COL3A1: variants seen among roughly 807,000 people sequenced by gnomAD.
COL3A1 encodes collagen alpha-1(III) chain.
COL3A1 carries 46 observed loss-of-function variants against 200.9 expected under a neutral mutation model. The observed-to-expected ratio is 0.23, with a 90% CI of 0.18 to 0.29. The LOEUF is 0.29. COL3A1 is among the 10% of genes least tolerant of loss of function. The pLI, the probability that COL3A1 is intolerant of heterozygous loss-of-function variation, is 1.00. For missense variants in COL3A1, 1,367 were observed against 1,917.6 expected (o/e 0.71, Z 5.36); for synonymous variants, 650 against 628.0 (o/e 1.03, Z -0.52).
At chr2:188,996,219 AAATGG>A in intron 23 of COL3A1, 41 bp downstream of exon 23, 2 of 1,562,004 alleles carry the variant, frequency 1.3e-6, no homozygotes, top group Non-Finnish European at 1.8e-6. Context: ...AGGCCAGTTA[AAATGG>A]AATGTATATG....
chr2:188,988,072 AC>A lies in COL3A1; in HGVS notation c.529-8del. 6.2e-7 allele frequency: 1 copy of A among 1,607,402 alleles called. No individual in the cohort carries two copies. Among genetic ancestry groups the A allele is most frequent in the South Asian group, 1.1e-5 (1 of 90,942 alleles). ...TTTATTTTGTTTTTCATTCAAATTC[AC>A]ATTCCAGGGCCCCCCAGGCCCTCCC... On this transcript the variant is annotated splice_polypyrimidine_tract_variant and splice_region_variant and intron_variant, in intron 5 of 50. Transcript: ENST00000304636.
intron 6 of COL3A1, among the ~76,000 whole-genome samples, 180 bp from the exon 7 acceptor site, chr2:188,988,410 A>G (rs753047042): frequency 1.3e-5 from 2 of 152,176 alleles, no homozygotes; most frequent in South Asian, 2.1e-4. Context: ...ATGGATTGCA[A>G]TGAATGGAAT....
At chr2:188,990,587 TA>T (rs1346472729) in intron 10 of COL3A1, among the ~76,000 whole-genome samples, 3 of 152,212 alleles carry the variant, frequency 2.0e-5, no homozygotes, top group Non-Finnish European at 4.4e-5. Flanking sequence ...ATCGTTTTCT[TA>T]CTACCACTAT....
chr2:189,003,917 T>TA (rs955199802), intron 38 of COL3A1, 65 bp from the exon 39 acceptor site: 3 of 1,567,408 alleles, frequency 1.9e-6, no homozygotes, highest in African/African-American at 1.4e-5. Flanking sequence ...TTGAAGTAAG[T>TA]AAAAAAAGAA....
chr2:189,007,214 A>G (rs1355214904), intron 44 of COL3A1, among the ~76,000 whole-genome samples: 1 of 147,514 alleles, frequency 6.8e-6, no homozygotes, highest in East Asian at 2.0e-4. Context: ...TAGATAGAAC[A>G]AATATAAACT....
chr2:188,993,543 A>AT lies in COL3A1; in HGVS notation c.1149+85dup, dbSNP rs1301585888. 27 of 1,168,708 alleles carry AT rather than the reference A, an allele frequency of 2.3e-5. 1 individual carries two copies. Among genetic ancestry groups the AT allele is most frequent in the Non-Finnish European group, 2.4e-5 (19 of 801,072 alleles). 72.4% of individuals were successfully genotyped at this position (1,168,708 alleles called of 1,614,324 possible). On this transcript the variant is annotated intron_variant, in intron 16 of 50. Coordinates refer to ENST00000304636, the MANE Select transcript of COL3A1 (RefSeq NM_000090.4). The stretch of plus-strand genomic sequence containing the variant: ...AGTTTCATGCTTACTCCATGAAAGC[A>AT]TGTGCTTCAATATGGCTATCAGTGA...
chr2:188,999,393 C>A lies in COL3A1; in HGVS notation c.2121+10C>A. The A allele has an allele frequency of 6.2e-7, 1 of 1,613,224 alleles. No individual in the cohort carries two copies. Among genetic ancestry groups the A allele is most frequent in the Non-Finnish European group, 8.5e-7 (1 of 1,179,466 alleles). On this transcript the variant is annotated intron_variant, in intron 30 of 50. Coordinates refer to ENST00000304636, the MANE Select transcript of COL3A1 (RefSeq NM_000090.4). ...TCCCGAAGGAGGAAAGGTAACTCCA[C>A]AGCATTCCATTCACCTAGGTTTAAA... is the stretch of plus-strand genomic sequence containing the variant.
chr2:188,997,940 T>TA (rs1688366790), intron 27 of COL3A1, among the ~76,000 whole-genome samples, 187 bp downstream of exon 27: 1 of 152,240 alleles, frequency 6.6e-6, no homozygotes, highest in Admixed American at 6.5e-5. Flanking sequence ...ATAAGTTATT[T>TA]AAAAGAATTA....
intron 4 of COL3A1, among the ~76,000 whole-genome samples, chr2:188,986,161 G>A (rs555588016): frequency 2.1e-3 from 312 of 152,072 alleles, no homozygotes; most frequent in Non-Finnish European, 2.9e-3. Flanking sequence ...GCCTCTAAAA[G>A]TTTAGACAAA....
At chr2:188,997,480 G>C (rs1218175057) in intron 26 of COL3A1, 91 bp downstream of exon 26, 20 of 1,318,720 alleles carry the variant, frequency 1.5e-5, no homozygotes, top group Non-Finnish European at 2.2e-5. Flanking sequence ...CTGACACCAT[G>C]TTGTTACAGT....
At position 188,997,751 on chromosome 2, in the gene COL3A1, C is replaced by G. The variant is rs794728048; in HGVS notation, c.1921C>G (p.Gln641Glu). 7 of 1,613,572 alleles carry G rather than the reference C, an allele frequency of 4.3e-6. No individual in the cohort carries two copies. The highest frequency in any genetic ancestry group is 5.9e-6 in the Non-Finnish European group (7 of 1,179,650). Residue 641 changes from glutamine to glutamate, a missense_variant and splice_region_variant, in exon 27 of 51, where the codon CAA (glutamine) becomes GAA (glutamate). Coordinates refer to ENST00000304636, the MANE Select transcript of COL3A1 (RefSeq NM_000090.4). ...DTGPPGPQGLQGLPGTGGPPG... is the reference protein window; with the variant it reads ...DTGPPGPQGLEGLPGTGGPPG... Reference sequence around the variant, plus strand: ...AGGACCCCCTGGTCCACAAGGATTACAAGTAAGAACTTGTTATTTAAATGT... The same window carrying G: ...AGGACCCCCTGGTCCACAAGGATTAGAAGTAAGAACTTGTTATTTAAATGT...
In COL3A1 at chr2:189,007,934, C is replaced by T. The variant is rs201880122; in HGVS notation, c.3413C>T (p.Pro1138Leu). 1.4e-4 allele frequency: 219 copies of T among 1,613,980 alleles called. No homozygotes were observed. Among genetic ancestry groups the T allele is most frequent in the Non-Finnish European group, 1.7e-4 (196 of 1,180,040 alleles). ...ATCGGCAGTCCAGGACCTGCAGGCC[C>T]CAGAGTAAGTAGCACAGAAAGATAT... is the stretch of plus-strand genomic sequence containing the variant. The part of the protein sequence containing the change: ...GAIGSPGPAG[P>L]RGPVGPSGPP... The change falls in exon 46 of 51, where the codon CCC becomes CTC. Residue 1138 changes from proline to leucine, a missense_variant. Physicochemically the swap from Pro to Leu is moderately conservative, Grantham distance 98. Transcript: ENST00000304636.
intron 7 of COL3A1, among the ~76,000 whole-genome samples, chr2:188,988,945 T>C (rs917416891): frequency 7.9e-5 from 12 of 151,800 alleles, no homozygotes; most frequent in African/African-American, 2.9e-4. Context: ...CTCAGTTCAC[T>C]CATATCTAAT....
At chr2:188,980,253 G>A (rs1382002847) in intron 1 of COL3A1, among the ~76,000 whole-genome samples, 1 of 150,780 alleles carries the variant, frequency 6.6e-6, no homozygotes, top group Non-Finnish European at 1.5e-5. Flanking sequence ...AATTGCTGGT[G>A]GTTAGATATA....
chr2:188,992,441 C>T lies in COL3A1; in HGVS notation c.996+213C>T, dbSNP rs41272831. Among the ~76,000 whole-genome samples, 1,638 of 152,086 alleles carry T rather than the reference C, an allele frequency of 0.011. 38 individuals are homozygous for T. Among genetic ancestry groups the T allele is most frequent in the African/African-American group, 0.037 (1,555 of 41,492 alleles). ...AATACTTAATATTGTATATACACTCCTGTGATTAAAACTGACACTGAGCCC... is the reference window on the plus strand; with the variant it reads ...AATACTTAATATTGTATATACACTCTTGTGATTAAAACTGACACTGAGCCC... On this transcript the variant is annotated intron_variant, in intron 14 of 50. Coordinates refer to ENST00000304636, the MANE Select transcript of COL3A1 (RefSeq NM_000090.4).
chr2:188,993,537 G>A (rs1559055795), intron 16 of COL3A1, 78 bp downstream of exon 16: 15 of 1,238,076 alleles, frequency 1.2e-5, no homozygotes, highest in Non-Finnish European at 1.6e-5. Flanking sequence ...CTTACTCCAT[G>A]AAAGCATGTG....
chr2:188,987,451 A>G (rs769073088), intron 5 of COL3A1, among the ~76,000 whole-genome samples: 7 of 152,006 alleles, frequency 4.6e-5, no homozygotes, highest in Admixed American at 6.6e-5. Context: ...TAAATTTACT[A>G]TCAGTATTTA....
At position 188,974,544 on chromosome 2, in the gene COL3A1, A is replaced by C. The variant is rs1300339107; in HGVS notation, c.55A>C (p.Thr19Pro). Residue 19 changes from threonine to proline, a missense_variant, in exon 1 of 51, where the codon ACT (threonine) becomes CCT (proline). Around this residue, in one of 5 missense-constraint regions of COL3A1, gnomAD observed 55 missense variants for 51.5 expected, o/e 1.07. Transcript: ENST00000304636. The part of the protein sequence containing the change: ...SWLLLALLHP[T>P]IILAQQEAVE... ...GCTACTTCTCGCTCTGCTTCATCCC[A>C]CTATTATTTTGGCACAACAGGAAGG... 1.9e-6 allele frequency: 3 copies of C among 1,613,898 alleles called. No homozygotes were observed. The highest frequency in any genetic ancestry group is 8.5e-7 in the Non-Finnish European group (1 of 1,179,956).
Position 188,999,400 on chromosome 2 carries a change from C to A in COL3A1, c.2121+17C>A. ...GGAGGAAAGGTAACTCCACAGCATTCCATTCACCTAGGTTTAAAAAATGCA... is the reference window on the plus strand; with the variant it reads ...GGAGGAAAGGTAACTCCACAGCATTACATTCACCTAGGTTTAAAAAATGCA... On this transcript the variant is annotated intron_variant, in intron 30 of 50. Coordinates refer to ENST00000304636, the MANE Select transcript of COL3A1 (RefSeq NM_000090.4). 1 of 1,613,442 alleles carries A rather than the reference C, an allele frequency of 6.2e-7. No individual in the cohort carries two copies. The highest frequency in any genetic ancestry group is 8.5e-7 in the Non-Finnish European group (1 of 1,179,558).
Sources: allele counts gnomAD v4.1 joint callset (sites outside exome capture counted in the v4.1 genomes callset), GRCh38; gene constraint gnomAD v4.1.1; regional missense constraint gnomAD v4.1.1; transcripts MANE v1.5; gene names NCBI Gene and HGNC (gene_info 2026-07-23, HGNC 2026-07-21).